ASIC2: variants seen among roughly 807,000 people sequenced by gnomAD.
ASIC2 encodes the protein acid sensing ion channel subunit 2.
ASIC2 carries 25 observed loss-of-function variants against 57.3 expected under a neutral mutation model. The observed-to-expected ratio is 0.44, with a 90% CI of 0.32 to 0.61. The LOEUF is 0.61. Among genes scored for constraint, ASIC2 ranks in the 20% least tolerant of loss-of-function variants. The pLI, the probability that ASIC2 is intolerant of heterozygous loss-of-function variation, is 0.06. For synonymous variants in ASIC2, 319 were observed against 307.5 expected, an observed-to-expected ratio of 1.04 and a Z score of -0.39; for missense variants, 641 against 738.1, an observed-to-expected ratio of 0.87 and a Z score of 1.52.
At chr17:33,934,886 T>C (rs1916025836) in intron 1 of ASIC2, among the ~76,000 whole-genome samples, 1 of 152,188 alleles carries the variant, frequency 6.6e-6, no homozygotes, top group Admixed American at 6.5e-5. Context: ...CTCACAGACC[T>C]GTAGTGCCAT....
intron 1 of ASIC2, among the ~76,000 whole-genome samples, chr17:33,754,643 T>C (rs1910535372): frequency 6.6e-6 from 1 of 151,830 alleles, no homozygotes; most frequent in Admixed American, 6.6e-5. Flanking sequence ...TGTTGATGGG[T>C]TTAGTATATG....
intron 1 of ASIC2, among the ~76,000 whole-genome samples, chr17:33,989,459 C>G (rs893409753): frequency 6.6e-6 from 1 of 151,930 alleles, no homozygotes; most frequent in African/African-American, 2.4e-5. Context: ...GAAAGGAGAT[C>G]GGGGCCAGAC....
intron 1 of ASIC2, among the ~76,000 whole-genome samples, chr17:34,061,787 T>C (rs988707440): frequency 6.6e-6 from 1 of 152,162 alleles, no homozygotes; most frequent in African/African-American, 2.4e-5. Flanking sequence ...AGAAGGACAT[T>C]ATATAATGGT....
chr17:33,399,477 A>G (rs1356088650), intron 1 of ASIC2, among the ~76,000 whole-genome samples: 1 of 152,076 alleles, frequency 6.6e-6, no homozygotes, highest in Non-Finnish European at 1.5e-5. Context: ...CCTGACCCAG[A>G]CCAACCCACT....
At chr17:33,326,905 A>G (rs1046478120) in intron 1 of ASIC2, among the ~76,000 whole-genome samples, 1 of 151,570 alleles carries the variant, frequency 6.6e-6, no homozygotes, top group Non-Finnish European at 1.5e-5. Flanking sequence ...CAGACCCATC[A>G]CAATAACCTT....
chr17:33,527,320 T>C (rs1020958574), intron 1 of ASIC2, among the ~76,000 whole-genome samples: 3 of 152,126 alleles, frequency 2.0e-5, no homozygotes, highest in African/African-American at 7.2e-5. Flanking sequence ...GCTAAAGGCT[T>C]TATGTTCCAC....
At chr17:33,190,075 T>C (rs1249169748) in intron 1 of ASIC2, among the ~76,000 whole-genome samples, 1 of 151,952 alleles carries the variant, frequency 6.6e-6, no homozygotes, top group East Asian at 1.9e-4. Context: ...GGCATATAAA[T>C]TGGAAAGGAG....
intron 1 of ASIC2, among the ~76,000 whole-genome samples, chr17:33,230,893 T>C (rs1908065639): frequency 6.6e-6 from 1 of 152,206 alleles, no homozygotes; most frequent in African/African-American, 2.4e-5. Context: ...TCTATATGGT[T>C]TCAATATAGG....
At chr17:33,791,669 T>A (rs766969084) in intron 1 of ASIC2, among the ~76,000 whole-genome samples, 8 of 152,212 alleles carry the variant, frequency 5.3e-5, no homozygotes, top group Middle Eastern at 3.4e-3. Context: ...ATTATGCCAA[T>A]GGCAAAGAAA....
chr17:33,713,391 C>T (rs1426621237), intron 1 of ASIC2, among the ~76,000 whole-genome samples: 3 of 152,200 alleles, frequency 2.0e-5, no homozygotes, highest in Non-Finnish European at 2.9e-5. Context: ...TTGCCTCTTC[C>T]TAACATCTGG....
intron 1 of ASIC2, among the ~76,000 whole-genome samples, chr17:33,252,160 A>T (rs1908906878): frequency 6.6e-6 from 1 of 152,156 alleles, no homozygotes; most frequent in South Asian, 2.1e-4. Flanking sequence ...TATCTTGCTC[A>T]GATAGTTCAT....
At chr17:33,148,817 G>C (rs1904667337) in intron 1 of ASIC2, among the ~76,000 whole-genome samples, 1 of 152,200 alleles carries the variant, frequency 6.6e-6, no homozygotes, top group South Asian at 2.1e-4. Context: ...CTTGAGGCCA[G>C]GTGCGCTGGC....
chr17:33,579,783 A>G (rs116477273), intron 1 of ASIC2, among the ~76,000 whole-genome samples: 9 of 152,218 alleles, frequency 5.9e-5, no homozygotes, highest in African/African-American at 1.9e-4. Flanking sequence ...CAAAAGAACA[A>G]ACTACCACAC....
At chr17:33,994,923 T>C (rs1052435501) in intron 1 of ASIC2, among the ~76,000 whole-genome samples, 1 of 152,194 alleles carries the variant, frequency 6.6e-6, no homozygotes, top group South Asian at 2.1e-4. Context: ...ATTTCAAATA[T>C]TGCTCTCTCA....
chr17:33,068,527 C>CCCAAAACAAA (rs1567733323), intron 3 of ASIC2, among the ~76,000 whole-genome samples: 1 of 68,232 alleles, frequency 1.5e-5, no homozygotes. Context: ...GAAACTCCAT[C>CCCAAAACAAA]TCAAAACAAA....
chr17:33,682,735 T>A lies in ASIC2; in HGVS notation c.555+473243A>T, dbSNP rs569915119. ...CTTGCTTGGGATATTAAAAAAAAAA[T>A]AAGAAATAGCCTTAAGTCTTCCAAT... On this transcript the variant is annotated intron_variant, in intron 1 of 9. Coordinates refer to the ASIC2 transcript ENST00000359872. 6.6e-5 allele frequency among the ~76,000 whole-genome samples: 10 copies of A among 151,986 alleles called. No individual in the cohort carries two copies. The South Asian group carries it at 1.0e-3, about 16-fold the overall frequency.
chr17:33,028,939 T>A (rs1029104137), intron 3 of ASIC2, among the ~76,000 whole-genome samples: 1 of 152,220 alleles, frequency 6.6e-6, no homozygotes, highest in African/African-American at 2.4e-5. Flanking sequence ...CTAGAGAGAC[T>A]TTCCAAGTCA....
chr17:33,340,435 C>T (rs919894053), intron 1 of ASIC2, among the ~76,000 whole-genome samples: 28 of 152,016 alleles, frequency 1.8e-4, no homozygotes, highest in Non-Finnish European at 2.6e-4. Flanking sequence ...ATACTGCTCT[C>T]TTTTTTTTCT....
In ASIC2 at chr17:33,161,171, G is replaced by A. The variant is rs117292005; in HGVS notation, c.709-49104C>T. Among the ~76,000 whole-genome samples, 413 of 152,316 alleles carry A rather than the reference G, an allele frequency of 2.7e-3. 5 individuals are homozygous for A. The South Asian group carries it at 0.035, about 13-fold the overall frequency. On this transcript the variant is annotated intron_variant, in intron 1 of 9. Coordinates refer to ENST00000225823, the MANE Select transcript of ASIC2 (RefSeq NM_183377.2). ...GCTGTCTCCTGTGCTGAGAAAGGGT[G>A]GGGGAGATGGCTAACATGCATACCT...
Sources: allele counts gnomAD v4.1 joint callset (sites outside exome capture counted in the v4.1 genomes callset), GRCh38; gene constraint gnomAD v4.1.1; transcripts MANE v1.5; gene names NCBI Gene and HGNC (gene_info 2026-07-23, HGNC 2026-07-21).